TMEM178B: variants seen among roughly 807,000 people sequenced by gnomAD.
TMEM178B encodes transmembrane protein 178B.
A neutral mutation model predicts 31.0 loss-of-function variants in TMEM178B; 5 were observed. The observed-to-expected ratio is 0.16, with a 90% CI of 0.08 to 0.34. The LOEUF (loss-of-function observed/expected upper bound fraction) is 0.34, where lower values mean the gene tolerates loss of function less well. Among genes scored for constraint, TMEM178B ranks in the 10% least tolerant of loss-of-function variants. TMEM178B has a pLI of 1.00. For synonymous variants in TMEM178B, 164 were observed against 164.0 expected, an observed-to-expected ratio of 1.00 and a Z score of 0.00; for missense variants, 275 against 400.3, an observed-to-expected ratio of 0.69 and a Z score of 2.67.
chr7:141,232,424 C>T (rs925601815), intron 2 of TMEM178B, among the ~76,000 whole-genome samples: 11 of 152,092 alleles, frequency 7.2e-5, no homozygotes, highest in Non-Finnish European at 1.2e-4. Context: ...ACATTCCCAC[C>T]GACAGTGTTA....
At chr7:141,353,742 A>G (rs1193941208) in intron 2 of TMEM178B, among the ~76,000 whole-genome samples, 2 of 152,242 alleles carry the variant, frequency 1.3e-5, no homozygotes, top group African/African-American at 2.4e-5. Context: ...TCTTTAAGAC[A>G]GTGACCATAT....
In TMEM178B at chr7:141,074,460, G is replaced by A. The variant is rs1794563195; in HGVS notation, c.150G>A (p.Arg50=). ...GGTGCAAGGCCTTCAACACCCGCCG[G>A]GTCGACCCCGGCTTCATTTACAACA... ...RDRCKAFNTR[R]VDPGFIYNNN... The change falls in exon 1 of 4, where the codon CGG becomes CGA. Residue 50 remains arginine, a synonymous_variant. Coordinates refer to ENST00000565468, the MANE Select transcript of TMEM178B (RefSeq NM_001195278.2). This position sits in a 1 kb window ranked among gnomAD's most constrained non-coding sequence, Gnocchi z 5.1. The A allele has an allele frequency of 6.5e-6, 10 of 1,536,098 alleles. No homozygotes were observed. Among genetic ancestry groups the A allele is most frequent in the Non-Finnish European group, 8.7e-6 (10 of 1,146,862 alleles).
chr7:141,450,686 G>T (rs1224627686), intron 3 of TMEM178B, among the ~76,000 whole-genome samples: 1 of 152,146 alleles, frequency 6.6e-6, no homozygotes, highest in African/African-American at 2.4e-5. Context: ...AACCCCCATA[G>T]GAGGCAGGTG....
chr7:141,248,813 G>A (rs185171717), intron 2 of TMEM178B, among the ~76,000 whole-genome samples: 6 of 152,170 alleles, frequency 3.9e-5, no homozygotes, highest in African/African-American at 4.8e-5. Context: ...TCATAAGCAC[G>A]ATACACTTAG....
At chr7:141,371,165 G>T (rs1356488319) in intron 2 of TMEM178B, among the ~76,000 whole-genome samples, 1 of 152,092 alleles carries the variant, frequency 6.6e-6, no homozygotes, top group Non-Finnish European at 1.5e-5. Flanking sequence ...TTGAAATTTG[G>T]TCCCCAATAT....
At chr7:141,452,247 CT>C (rs1475062224) in intron 3 of TMEM178B, among the ~76,000 whole-genome samples, 1 of 152,164 alleles carries the variant, frequency 6.6e-6, no homozygotes, top group African/African-American at 2.4e-5. Flanking sequence ...ACATCTCCAC[CT>C]TTCTGGAACC....
rs1333466660 is a variant in TMEM178B, at chr7:141,405,993, G to GT, written c.497-31609dup. 2.0e-5 allele frequency among the ~76,000 whole-genome samples: 3 copies of GT among 152,244 alleles called. No homozygotes were observed. The East Asian group carries it at 5.8e-4, about 29-fold the overall frequency. On this transcript the variant is annotated intron_variant, in intron 2 of 3. Transcript: ENST00000565468. ...GAGGAGGTGTGCTGCATTATTTATT[G>GT]TTTTTTATCTGTTTTCCTAAAACTG...
intron 1 of TMEM178B, among the ~76,000 whole-genome samples, chr7:141,078,331 C>A (rs1327352578): frequency 6.6e-6 from 1 of 152,124 alleles, no homozygotes; most frequent in Non-Finnish European, 1.5e-5. Context: ...TCAACTGATA[C>A]TCTAAGAACT....
intron 1 of TMEM178B, among the ~76,000 whole-genome samples, chr7:141,181,862 C>G (rs1796535236): frequency 6.6e-6 from 1 of 152,220 alleles, no homozygotes; most frequent in South Asian, 2.1e-4. Flanking sequence ...TATGGTGCTA[C>G]TGGCTGCCCA....
chr7:141,435,733 A>G (rs1213070051), intron 2 of TMEM178B, among the ~76,000 whole-genome samples: 2 of 152,178 alleles, frequency 1.3e-5, no homozygotes, highest in East Asian at 3.9e-4. Context: ...TCTGACACAT[A>G]TGGTAATATG....
intron 2 of TMEM178B, among the ~76,000 whole-genome samples, chr7:141,283,964 C>T (rs949889701): frequency 1.3e-5 from 2 of 152,196 alleles, no homozygotes; most frequent in Non-Finnish European, 2.9e-5. Flanking sequence ...AGAATAATAA[C>T]TCAGCAGAAC....
chr7:141,277,693 TGTC>T (rs1260609359), intron 2 of TMEM178B, among the ~76,000 whole-genome samples: 1 of 152,128 alleles, frequency 6.6e-6, no homozygotes, highest in Non-Finnish European at 1.5e-5. Context: ...TTGGCTGAAA[TGTC>T]GTTTTGCAGC....
intron 3 of TMEM178B, among the ~76,000 whole-genome samples, 199 bp from the exon 4 acceptor site, chr7:141,470,337 T>A (rs1162482683): frequency 2.6e-5 from 4 of 152,192 alleles, no homozygotes; most frequent in Non-Finnish European, 5.9e-5. Context: ...GAAGTGATGA[T>A]CCTTTAATAC....
chr7:141,080,550 G>A (rs1794665754), intron 1 of TMEM178B, among the ~76,000 whole-genome samples: 1 of 152,348 alleles, frequency 6.6e-6, no homozygotes, highest in Admixed American at 6.5e-5. Context: ...AATCCAGGAA[G>A]CGGAGGTTGC....
chr7:141,333,873 A>G (rs528037383), intron 2 of TMEM178B, among the ~76,000 whole-genome samples: 56 of 152,328 alleles, frequency 3.7e-4, no homozygotes, highest in African/African-American at 1.2e-3. Flanking sequence ...GGTTCACAAT[A>G]GGGTTTGCGC....
intron 2 of TMEM178B, among the ~76,000 whole-genome samples, chr7:141,326,147 A>C (rs1799186175): frequency 6.6e-6 from 1 of 152,240 alleles, no homozygotes; most frequent in Non-Finnish European, 1.5e-5. Flanking sequence ...GGAATATAGC[A>C]GTGAACAAAG....
intron 1 of TMEM178B, among the ~76,000 whole-genome samples, chr7:141,080,876 A>G (rs1172802522): frequency 1.3e-5 from 2 of 152,118 alleles, no homozygotes; most frequent in Admixed American, 6.6e-5. Flanking sequence ...GCAGCAACCC[A>G]TTACTCCTGT....
chr7:141,470,870 C>T lies in TMEM178B; in HGVS notation c.*84C>T, dbSNP rs909642585. On this transcript the variant is annotated 3_prime_UTR_variant, in exon 4 of 4. Coordinates refer to ENST00000565468, the MANE Select transcript of TMEM178B (RefSeq NM_001195278.2). The stretch of plus-strand genomic sequence containing the variant: ...AAAACAAAACAAAACTAAATCAAGA[C>T]GATGCCAGTGCCAAGGTAGAGTTGA... 1.3e-5 allele frequency: 11 copies of T among 828,822 alleles called. No homozygotes were observed. The highest frequency in any genetic ancestry group is 1.0e-4 in the Admixed American group (2 of 19,312). The allele number at this position is 828,822 out of a possible 1,614,324, so 51.3% of individuals were successfully genotyped here. A position where few individuals can be genotyped will look rare whatever the true frequency, so the allele number is the denominator to read the frequency against.
intron 1 of TMEM178B, among the ~76,000 whole-genome samples, chr7:141,185,787 C>T (rs1455528093): frequency 6.6e-6 from 1 of 152,036 alleles, no homozygotes. Flanking sequence ...AACCAGGGAC[C>T]ATGCCCTCCT....
Sources: allele counts gnomAD v4.1 joint callset (sites outside exome capture counted in the v4.1 genomes callset), GRCh38; gene constraint gnomAD v4.1.1; non-coding constraint Gnocchi (gnomAD v3.1); transcripts MANE v1.5; gene names NCBI Gene and HGNC (gene_info 2026-07-23, HGNC 2026-07-21).